The following LRP1B variants were observed in gnomAD, a reference collection of about 807,000 sequenced individuals.
LRP1B encodes the protein low-density lipoprotein receptor-related protein 1B.
LRP1B carries 217 observed loss-of-function variants against 556.6 expected under a neutral mutation model. The ratio of observed to expected loss-of-function variants is 0.39; its 90% confidence interval spans 0.35 to 0.44. The LOEUF (loss-of-function observed/expected upper bound fraction) is 0.44. Ranked by LOEUF, LRP1B falls within the 20% of genes least tolerant of loss-of-function variation. LRP1B has a pLI of 1.00. For missense variants in LRP1B, 5,053 were observed against 5,620.8 expected (o/e 0.90, Z 3.23); for synonymous variants, 2,047 against 1,865.8 (o/e 1.10, Z -2.50).
chr2:142,072,775 T>C (rs901532376), intron 1 of LRP1B, among the ~76,000 whole-genome samples: 1 of 152,022 alleles, frequency 6.6e-6, no homozygotes, highest in African/African-American at 2.4e-5. Context: ...CTGGAATATA[T>C]GATCCTATGA....
At chr2:142,123,549 G>A (rs1314994480) in intron 1 of LRP1B, among the ~76,000 whole-genome samples, 1 of 151,890 alleles carries the variant, frequency 6.6e-6, no homozygotes, top group Non-Finnish European at 1.5e-5. Context: ...ACAATGAGGT[G>A]TATGCAACTC....
intron 60 of LRP1B, among the ~76,000 whole-genome samples, chr2:140,469,626 C>A (rs974063808): frequency 6.6e-6 from 1 of 152,102 alleles, no homozygotes; most frequent in Non-Finnish European, 1.5e-5. Context: ...ATATATTATG[C>A]AATTTACCTG....
At chr2:141,666,282 T>G (rs1320555566) in intron 2 of LRP1B, among the ~76,000 whole-genome samples, 2 of 152,066 alleles carry the variant, frequency 1.3e-5, no homozygotes, top group Non-Finnish European at 2.9e-5. Flanking sequence ...CTGAAGAAAA[T>G]CAGTGTGAGA....
intron 1 of LRP1B, among the ~76,000 whole-genome samples, chr2:141,943,665 T>C (rs1411771264): frequency 1.3e-5 from 2 of 151,910 alleles, no homozygotes; most frequent in East Asian, 3.9e-4. Context: ...TATTAGAAAG[T>C]TTCTTGATCT....
intron 43 of LRP1B, among the ~76,000 whole-genome samples, chr2:140,597,773 G>A (rs1574124738): frequency 6.6e-6 from 1 of 152,160 alleles, no homozygotes; most frequent in Non-Finnish European, 1.5e-5. Context: ...CTATGTCTGT[G>A]TTAGTGCCGT....
At chr2:140,343,735 C>T (rs1453472945) in intron 77 of LRP1B, among the ~76,000 whole-genome samples, 1 of 151,514 alleles carries the variant, frequency 6.6e-6, no homozygotes, top group Admixed American at 6.6e-5. Context: ...GATGGTATAT[C>T]CACGTAACAG....
intron 41 of LRP1B, among the ~76,000 whole-genome samples, chr2:140,671,328 G>A (rs1359903584): frequency 2.0e-5 from 3 of 152,138 alleles, no homozygotes; most frequent in African/African-American, 7.2e-5. Flanking sequence ...AGACCATCCT[G>A]GCTAACACGG....
At chr2:141,836,741 C>A (rs1449174397) in intron 1 of LRP1B, among the ~76,000 whole-genome samples, 1 of 151,898 alleles carries the variant, frequency 6.6e-6, no homozygotes, top group Non-Finnish European at 1.5e-5. Flanking sequence ...ATCTCAAGAT[C>A]AAAATACATC....
At chr2:140,845,896 T>C (rs565850365) in intron 29 of LRP1B, among the ~76,000 whole-genome samples, 1 of 152,208 alleles carries the variant, frequency 6.6e-6, no homozygotes, top group East Asian at 1.9e-4. Flanking sequence ...CCAACACATT[T>C]ATTAAAGTCC....
At chr2:140,715,870 G>T in intron 37 of LRP1B, 103 bp downstream of exon 37, 1 of 930,974 alleles carries the variant, frequency 1.1e-6, no homozygotes, top group Non-Finnish European at 1.5e-6. Context: ...AGATATTCTT[G>T]ATTTTGTCTC....
chr2:140,501,832 C>G lies in LRP1B; in HGVS notation c.8705G>C (p.Arg2902Thr), dbSNP rs2104891730. The G allele has an allele frequency of 6.2e-7, 1 of 1,609,162 alleles. No homozygotes were observed. The highest frequency in any genetic ancestry group is 8.5e-7 in the Non-Finnish European group (1 of 1,177,282). The change falls in exon 55 of 91, where the codon AGG (arginine) becomes ACG (threonine). Residue 2902 changes from arginine (R) to threonine (T), a missense_variant. Arg to Thr is a moderately conservative substitution (Grantham distance 71). Coordinates refer to ENST00000389484, the MANE Select transcript of LRP1B (RefSeq NM_018557.3). The stretch of plus-strand genomic sequence containing the variant: ...GCAAAGACCTCCACTGGGAATGCAC[C>G]TGCCATTTTTGCACATAAAAAATGA... ...NSSFFMCKNG[R>T]CIPSGGLCDN...
chr2:140,501,078 A>G (rs1689165567), intron 55 of LRP1B, among the ~76,000 whole-genome samples: 1 of 151,962 alleles, frequency 6.6e-6, no homozygotes, highest in Admixed American at 6.6e-5. Flanking sequence ...ATACTGAAAC[A>G]GAGTTGGTTT....
chr2:140,388,752 A>G (rs908587095), intron 66 of LRP1B, among the ~76,000 whole-genome samples: 2 of 152,216 alleles, frequency 1.3e-5, no homozygotes, highest in Admixed American at 1.3e-4. Context: ...TAGAGGGGGA[A>G]CTGTATGAGT....
chr2:140,536,506 G>A (rs878907039), intron 46 of LRP1B, 75 bp downstream of exon 46: 20 of 1,422,756 alleles, frequency 1.4e-5, no homozygotes, highest in East Asian at 2.4e-5. Flanking sequence ...AAACCACACC[G>A]AGACAAGCAA....
At chr2:140,416,629 T>C (rs1006630378) in intron 66 of LRP1B, among the ~76,000 whole-genome samples, 12 of 151,610 alleles carry the variant, frequency 7.9e-5, no homozygotes, top group Admixed American at 2.0e-4. Context: ...CACTCCAGCC[T>C]GGGCAAGACA....
At chr2:141,103,756 A>G (rs1444498957) in intron 7 of LRP1B, among the ~76,000 whole-genome samples, 1 of 151,394 alleles carries the variant, frequency 6.6e-6, no homozygotes, top group Non-Finnish European at 1.5e-5. Context: ...AATATTTACC[A>G]ATACAAAAGG....
chr2:141,722,277 CT>C (rs1464044814), intron 2 of LRP1B, among the ~76,000 whole-genome samples: 2 of 152,070 alleles, frequency 1.3e-5, no homozygotes, highest in Non-Finnish European at 2.9e-5. Context: ...GCTCAGGACG[CT>C]AAGGCACGAG....
At chr2:140,511,109 A>G (rs1297745895) in intron 51 of LRP1B, among the ~76,000 whole-genome samples, 1 of 152,140 alleles carries the variant, frequency 6.6e-6, no homozygotes, top group Non-Finnish European at 1.5e-5. Flanking sequence ...GGAAGAAAAT[A>G]TAAGTGACTA....
intron 40 of LRP1B, among the ~76,000 whole-genome samples, chr2:140,701,272 T>C (rs1310440518): frequency 6.6e-6 from 1 of 152,104 alleles, no homozygotes; most frequent in Non-Finnish European, 1.5e-5. Flanking sequence ...TTAGAATAAA[T>C]ATTTTAAGGA....
Sources: allele counts gnomAD v4.1 joint callset (sites outside exome capture counted in the v4.1 genomes callset), GRCh38; gene constraint gnomAD v4.1.1; transcripts MANE v1.5; gene names NCBI Gene and HGNC (gene_info 2026-07-23, HGNC 2026-07-21).